The following CSNK1G1 variants were observed in gnomAD, a reference collection of about 807,000 sequenced individuals.
The protein encoded by CSNK1G1 is casein kinase I isoform gamma-1.
Under a neutral mutation model 59.6 loss-of-function variants are expected in CSNK1G1, and 22 were observed. That is an observed-to-expected ratio of 0.37 (90% CI 0.26 to 0.53). The LOEUF (loss-of-function observed/expected upper bound fraction) is 0.53, where lower values mean the gene tolerates loss of function less well. CSNK1G1 is among the 20% of genes least tolerant of loss of function. The pLI is 0.89. For missense variants in CSNK1G1, 384 were observed against 519.5 expected, an observed-to-expected ratio of 0.74 and a Z score of 2.54; for synonymous variants, 179 against 177.1, an observed-to-expected ratio of 1.01 and a Z score of -0.08.
chr15:64,245,232 A>T (rs931485236), intron 4 of CSNK1G1, among the ~76,000 whole-genome samples: 1 of 152,230 alleles, frequency 6.6e-6, no homozygotes, highest in Non-Finnish European at 1.5e-5. Context: ...CAGGCAACAG[A>T]AGCAAAAATA....
intron 10 of CSNK1G1, chr15:64,189,373 G>A: frequency 7.9e-7 from 1 of 1,263,188 alleles, no homozygotes; most frequent in Non-Finnish European, 1.0e-6. Context: ...TTCTGATCTT[G>A]CTCATATGTG....
At chr15:64,335,375 G>C (rs1418026118) in intron 1 of CSNK1G1, among the ~76,000 whole-genome samples, 1 of 152,004 alleles carries the variant, frequency 6.6e-6, no homozygotes, top group Non-Finnish European at 1.5e-5. Context: ...GTACCACAAA[G>C]GTCCTGATCC....
At position 64,171,826 on chromosome 15, in the gene CSNK1G1, T is replaced by C; in HGVS notation, c.*105A>G. The C allele has an allele frequency of 9.8e-7, 1 of 1,025,264 alleles. No homozygotes were observed. The highest frequency in any genetic ancestry group is 1.5e-6 in the Non-Finnish European group (1 of 651,580). The allele number at this position is 1,025,264 out of a possible 1,614,324, so 63.5% of individuals were successfully genotyped here. A position where few individuals can be genotyped will look rare whatever the true frequency, so the allele number is the denominator to read the frequency against. ...TGTTTTCTTCTTTTTGGTTTGGATA[T>C]CCACCCTCCCCCAAAGAGGAGTCCC... is the stretch of plus-strand genomic sequence containing the variant. On this transcript the variant is annotated 3_prime_UTR_variant, in exon 12 of 12. Transcript: ENST00000303052. This position sits in a 1 kb window ranked among gnomAD's most constrained non-coding sequence, Gnocchi z 4.8.
intron 10 of CSNK1G1, among the ~76,000 whole-genome samples, chr15:64,201,082 G>A (rs980059666): frequency 6.6e-6 from 1 of 152,010 alleles, no homozygotes; most frequent in Non-Finnish European, 1.5e-5. Context: ...GACCAGCCTG[G>A]CCAACATGGC....
At chr15:64,203,618 A>G (rs933343958) in intron 9 of CSNK1G1, among the ~76,000 whole-genome samples, 2 of 147,568 alleles carry the variant, frequency 1.4e-5, no homozygotes, top group Non-Finnish European at 3.0e-5. Context: ...AATCGCTTGA[A>G]CCTGGGAGGC....
chr15:64,189,410 G>A, intron 10 of CSNK1G1: 1 of 1,284,592 alleles, frequency 7.8e-7, no homozygotes. Flanking sequence ...ATCTGTTTAG[G>A]TGCCTCTTCC....
At chr15:64,302,997 T>A (rs1415863231) in intron 1 of CSNK1G1, among the ~76,000 whole-genome samples, 1 of 152,120 alleles carries the variant, frequency 6.6e-6, no homozygotes, top group Non-Finnish European at 1.5e-5. Flanking sequence ...GATGGAATAA[T>A]CACACATAGC....
At chr15:64,184,043 C>T (rs1056095822) in intron 10 of CSNK1G1, among the ~76,000 whole-genome samples, 15 of 152,188 alleles carry the variant, frequency 9.9e-5, no homozygotes, top group African/African-American at 3.6e-4. Context: ...GTGGCTCACG[C>T]CTGTAATCCC....
At chr15:64,246,625 TA>T (rs771554925) in intron 4 of CSNK1G1, among the ~76,000 whole-genome samples, 3,768 of 84,448 alleles carry the variant, frequency 0.045, 86 homozygotes, top group African/African-American at 0.11. Flanking sequence ...TCCGTCTCTT[TA>T]AAAAAAAAAA....
chr15:64,332,732 A>G (rs1897178572), intron 1 of CSNK1G1, among the ~76,000 whole-genome samples: 1 of 148,664 alleles, frequency 6.7e-6, no homozygotes, highest in South Asian at 2.2e-4. Context: ...TTAAAAAAAA[A>G]CAAAAACAAA....
At chr15:64,270,964 C>G (rs1893267915) in intron 2 of CSNK1G1, among the ~76,000 whole-genome samples, 1 of 151,880 alleles carries the variant, frequency 6.6e-6, no homozygotes, top group Non-Finnish European at 1.5e-5. Flanking sequence ...TTTTATTTTA[C>G]TATGTATGTG....
At chr15:64,248,820 T>C (rs1276741551) in intron 4 of CSNK1G1, among the ~76,000 whole-genome samples, 3 of 146,306 alleles carry the variant, frequency 2.1e-5, no homozygotes, top group Admixed American at 6.8e-5. Context: ...CCGTCTCTAC[T>C]AAAAAAATAC....
rs2082279770 is a variant in CSNK1G1, at chr15:64,213,985, A to G, written c.584T>C (p.Ile195Thr). The change falls in exon 6 of 12, where the codon ATT becomes ACT. Residue 195 changes from isoleucine (I) to threonine (T), a missense_variant. Physicochemically the swap from Ile to Thr is moderately conservative, Grantham distance 89. Transcript: ENST00000303052. ...IIDFGLAKEY[I>T]DPETKKHIPY... ...TATGTGTTTTTTGGTTTCGGGGTCAATGTATTCCTTGGCCAGTCCAAAGTC... is the reference window on the plus strand; with the variant it reads ...TATGTGTTTTTTGGTTTCGGGGTCAGTGTATTCCTTGGCCAGTCCAAAGTC... 1.2e-6 allele frequency: 2 copies of G among 1,614,136 alleles called. No individual in the cohort carries two copies. Among genetic ancestry groups the G allele is most frequent in the South Asian group, 1.1e-5 (1 of 91,074 alleles).
intron 1 of CSNK1G1, among the ~76,000 whole-genome samples, chr15:64,350,350 A>C (rs1898217206): frequency 6.6e-6 from 1 of 152,062 alleles, no homozygotes; most frequent in Non-Finnish European, 1.5e-5. Context: ...AAAGAAAAAA[A>C]ATTAGCCGGG....
intron 4 of CSNK1G1, among the ~76,000 whole-genome samples, chr15:64,237,109 A>G (rs2082626436): frequency 6.6e-6 from 1 of 152,200 alleles, no homozygotes; most frequent in Non-Finnish European, 1.5e-5. Context: ...TATAGAGAAT[A>G]GAAATTTGGA....
rs2081925937 is a variant in CSNK1G1 at position 64,188,389 on chromosome 15, C to T, written c.1108-7935G>A. ...GCAGTAAATACCTGCACTGATCCCC[C>T]ATGGCGGTCTGCAGCCAAGTGAGAC... On this transcript the variant is annotated intron_variant, in intron 10 of 11. Transcript: ENST00000303052. This position sits in a 1 kb window ranked among gnomAD's most constrained non-coding sequence, Gnocchi z 4.2. 1 of 1,536,032 alleles carries T rather than the reference C, an allele frequency of 6.5e-7. No homozygotes were observed.
intron 3 of CSNK1G1, among the ~76,000 whole-genome samples, chr15:64,256,431 A>G (rs1175522884): frequency 6.6e-6 from 1 of 152,222 alleles, no homozygotes; most frequent in African/African-American, 2.4e-5. Context: ...CACATCACAT[A>G]TATTCAGACA....
Position 64,263,053 on chromosome 15 carries a change from T to C in CSNK1G1, c.182-3812A>G, listed in dbSNP as rs375364213. Among the ~76,000 whole-genome samples, 93 of 116,746 alleles carry C rather than the reference T, an allele frequency of 8.0e-4. 1 individual carries two copies. The East Asian group carries it at 0.019, about 24-fold the overall frequency. 76.6% of individuals were successfully genotyped at this position (116,746 alleles called of 152,430 possible). A position where few individuals can be genotyped will look rare whatever the true frequency, so the allele number is the denominator to read the frequency against. On this transcript the variant is annotated intron_variant, in intron 2 of 11. Transcript: ENST00000303052. Reference sequence around the variant, plus strand: ...GAGATCACACGACTGCACTCCAGCCTGGGCAACAAGAGCAAAACGCCATCT... The same window carrying C: ...GAGATCACACGACTGCACTCCAGCCCGGGCAACAAGAGCAAAACGCCATCT...
intron 4 of CSNK1G1, among the ~76,000 whole-genome samples, chr15:64,223,160 C>T (rs1210557718): frequency 1.3e-5 from 2 of 152,016 alleles, no homozygotes; most frequent in East Asian, 1.9e-4. Context: ...CAAACACAAG[C>T]ACACTAAGAA....
Sources: gnomAD v4.1 joint callset for allele counts (sites outside exome capture counted in the v4.1 genomes callset) on GRCh38, gnomAD v4.1.1 for gene constraint, Gnocchi (gnomAD v3.1) non-coding constraint, MANE v1.5 for transcripts, NCBI Gene and HGNC (gene_info 2026-07-23, HGNC 2026-07-21) for gene names.